NR3C1: variants seen among roughly 807,000 people sequenced by gnomAD.
NR3C1 encodes the protein glucocorticoid receptor.
In NR3C1, 14 loss-of-function variants were observed where a neutral mutation model predicts 74.0. That is an observed-to-expected ratio of 0.19 (90% CI 0.12 to 0.30). The LOEUF is 0.30. Ranked by LOEUF, NR3C1 falls within the 10% of genes least tolerant of loss-of-function variation. The probability of loss-of-function intolerance (pLI) is 1.00; values close to 1 mark genes in which losing one functional copy is unlikely to be tolerated. For missense variants in NR3C1, 695 were observed against 909.8 expected (o/e 0.76, Z 3.04); for synonymous variants, 308 against 332.5 (o/e 0.93, Z 0.80).
chr5:143,298,428 T>C (rs145735482), intron 6 of NR3C1, among the ~76,000 whole-genome samples: 115 of 152,350 alleles, frequency 7.5e-4, no homozygotes, highest in African/African-American at 2.8e-3. Context: ...TAACCTCAGA[T>C]ATGCTGTTAA....
At chr5:143,363,932 A>C (rs1297990660) in intron 2 of NR3C1, among the ~76,000 whole-genome samples, 1 of 152,168 alleles carries the variant, frequency 6.6e-6, no homozygotes, top group African/African-American at 2.4e-5. Flanking sequence ...ACAAAGCAAC[A>C]CACAAATAAT....
intron 1 of NR3C1, among the ~76,000 whole-genome samples, chr5:143,419,837 A>G (rs766439191): frequency 6.6e-6 from 1 of 152,116 alleles, no homozygotes; most frequent in Admixed American, 6.5e-5. Flanking sequence ...ACCAAAATAT[A>G]TTAGGCAGGA....
chr5:143,394,715 T>C (rs1483905517), intron 2 of NR3C1, among the ~76,000 whole-genome samples: 3 of 152,000 alleles, frequency 2.0e-5, no homozygotes, highest in Admixed American at 1.3e-4. Context: ...TATATAGCCA[T>C]GGTCAGTTTT....
At chr5:143,406,074 T>C (rs72557305), upstream of NR3C1, among the ~76,000 whole-genome samples, 811 of 151,964 alleles carry the variant, frequency 5.3e-3, 5 homozygotes, top group East Asian at 0.022. Flanking sequence ...CTTAAAATGA[T>C]TAAGAATTCT....
intron 7 of NR3C1, among the ~76,000 whole-genome samples, chr5:143,287,485 G>T (rs1324733741): frequency 6.6e-6 from 1 of 151,962 alleles, no homozygotes; most frequent in African/African-American, 2.4e-5. Context: ...TATAAATTCT[G>T]AATAGATCTA....
chr5:143,285,042 CG>C (rs1814067068), intron 7 of NR3C1, among the ~76,000 whole-genome samples: 1 of 130,646 alleles, frequency 7.7e-6, no homozygotes, highest in Admixed American at 7.6e-5. Context: ...CTACTGGAAA[CG>C]AAGGAGGTAC....
At chr5:143,397,735 C>T (rs1254736144) in intron 2 of NR3C1, among the ~76,000 whole-genome samples, 1 of 151,878 alleles carries the variant, frequency 6.6e-6, no homozygotes, top group African/African-American at 2.4e-5. Context: ...TGCCTACTAC[C>T]TCCATAAGGT....
chr5:143,387,147 G>A (rs1478638803), intron 2 of NR3C1, among the ~76,000 whole-genome samples: 3 of 152,132 alleles, frequency 2.0e-5, no homozygotes, highest in Non-Finnish European at 4.4e-5. Flanking sequence ...TGGCTTCTCA[G>A]GGAACAGAAA....
chr5:143,349,172 T>C (rs1408727539), intron 2 of NR3C1, among the ~76,000 whole-genome samples: 2 of 152,164 alleles, frequency 1.3e-5, no homozygotes, highest in African/African-American at 4.8e-5. Context: ...TATTCTTTCT[T>C]AGTTGCTTTG....
chr5:143,377,964 TG>T (rs1301597406), intron 2 of NR3C1, among the ~76,000 whole-genome samples: 2 of 152,112 alleles, frequency 1.3e-5, no homozygotes, highest in Non-Finnish European at 2.9e-5. Context: ...AGGATGAAAT[TG>T]GGGGCCAGGT....
chr5:143,323,085 T>G (rs1048214012), intron 2 of NR3C1, among the ~76,000 whole-genome samples: 1 of 152,244 alleles, frequency 6.6e-6, no homozygotes, highest in Non-Finnish European at 1.5e-5. Context: ...TAATAAGTTT[T>G]AAATTCTGTG....
chr5:143,349,047 G>A (rs1829786617), intron 2 of NR3C1, among the ~76,000 whole-genome samples: 1 of 152,126 alleles, frequency 6.6e-6, no homozygotes, highest in Non-Finnish European at 1.5e-5. Flanking sequence ...ATCAGAGAGA[G>A]AAGCCTCTTC....
intron 2 of NR3C1, among the ~76,000 whole-genome samples, chr5:143,398,735 G>A (rs1368332718): frequency 2.0e-5 from 3 of 152,038 alleles, no homozygotes; most frequent in Admixed American, 6.5e-5. Flanking sequence ...TTGGGGATGA[G>A]GTTACGGGGT....
At chr5:143,385,957 GAACT>G (rs777305484) in intron 2 of NR3C1, among the ~76,000 whole-genome samples, 1 of 152,170 alleles carries the variant, frequency 6.6e-6, no homozygotes, top group African/African-American at 2.4e-5. Context: ...GTGCTATAAA[GAACT>G]AACTGAGACT....
At chr5:143,293,861 ATTCT>A (rs1281195268) in intron 7 of NR3C1, 12 of 944,808 alleles carry the variant, frequency 1.3e-5, no homozygotes, top group Non-Finnish European at 1.4e-5. Flanking sequence ...AATTGAAACC[ATTCT>A]TTTTTTTTTT....
chr5:143,330,969 T>C (rs1825824167), intron 2 of NR3C1, among the ~76,000 whole-genome samples: 1 of 152,078 alleles, frequency 6.6e-6, no homozygotes, highest in Admixed American at 6.5e-5. Flanking sequence ...AAAATTCATA[T>C]AGAATCAAAA....
At chr5:143,390,186 T>G (rs560001211) in intron 2 of NR3C1, among the ~76,000 whole-genome samples, 79 of 152,330 alleles carry the variant, frequency 5.2e-4, no homozygotes, top group Non-Finnish European at 9.4e-4. Context: ...CAAATAGTAG[T>G]AACAAAATTC....
rs780324709 is a variant in NR3C1, at chr5:143,400,283, G to A, written c.557C>T (p.Thr186Ile). The A allele has an allele frequency of 1.2e-6, 2 of 1,607,412 alleles. No homozygotes were observed. The highest frequency in any genetic ancestry group is 1.7e-6 in the Non-Finnish European group (2 of 1,176,684). The change falls in exon 2 of 9, where the codon ACA (threonine) becomes ATA (isoleucine). Residue 186 changes from threonine (T) to isoleucine (I), a missense_variant. Physicochemically the swap from Thr to Ile is moderately conservative, Grantham distance 89. Coordinates refer to ENST00000394464, the MANE Select transcript of NR3C1 (RefSeq NM_000176.3). Reference sequence around the variant, plus strand: ...CAAAATGTCAAAGGTGCTTTGGTCTGTGGTATACAATTTCACATTGCCACC... The same window carrying A: ...CAAAATGTCAAAGGTGCTTTGGTCTATGGTATACAATTTCACATTGCCACC... Reference protein sequence around the residue: ...TNGGNVKLYTTDQSTFDILQD... With the variant: ...TNGGNVKLYTIDQSTFDILQD...
In NR3C1 at chr5:143,280,793, G is replaced by A. The variant is rs968015428; in HGVS notation, c.*1096C>T. On this transcript the variant is annotated 3_prime_UTR_variant, in exon 9 of 9. Transcript: ENST00000394464. The stretch of plus-strand genomic sequence containing the variant: ...AGTTTTTGGGTAAAGTTTAGTGAGA[G>A]GAATTACTTTGTCTGATTAAAAGTC... 2 of 152,126 alleles carry A rather than the reference G, an allele frequency of 1.3e-5. No individual in the cohort carries two copies. The highest frequency in any genetic ancestry group is 2.9e-5 in the Non-Finnish European group (2 of 68,010). 9.4% of individuals were successfully genotyped at this position (152,126 alleles called of 1,614,324 possible). A position where few individuals can be genotyped will look rare whatever the true frequency, so the allele number is the denominator to read the frequency against.
Sources: allele counts gnomAD v4.1 joint callset (sites outside exome capture counted in the v4.1 genomes callset), GRCh38; gene constraint gnomAD v4.1.1; transcripts MANE v1.5; gene names NCBI Gene and HGNC (gene_info 2026-07-23, HGNC 2026-07-21).